The following BIN1 variants were observed in gnomAD, a reference collection of about 807,000 sequenced individuals.
BIN1 encodes myc box-dependent-interacting protein 1.
In BIN1, 53 loss-of-function variants were observed where a neutral mutation model predicts 82.0. The ratio of observed to expected loss-of-function variants is 0.65; its 90% CI spans 0.52 to 0.81. The LOEUF (loss-of-function observed/expected upper bound fraction) is 0.81. Ranked by LOEUF, BIN1 falls within the 40% of genes least tolerant of loss-of-function variation. The pLI is 0.00. For missense variants in BIN1, 642 were observed against 784.4 expected (o/e 0.82, Z 2.17); for synonymous variants, 302 against 328.0 (o/e 0.92, Z 0.86).
Position 127,093,042 on chromosome 2 carries a change from C to G in BIN1, c.84+13818G>C, listed in dbSNP as rs76168490. On this transcript the variant is annotated intron_variant, in intron 1 of 18. Coordinates refer to ENST00000316724, the MANE Select transcript of BIN1 (RefSeq NM_139343.3). The surrounding 1 kb of genome is among the most constrained non-coding windows in gnomAD (Gnocchi z 5.7). ...AAAGGAGTGGGGCACAGCCTGGGGG[C>G]CCCCCCACAGATGCCAGGTCAGCCC... is the stretch of plus-strand genomic sequence containing the variant. Among the ~76,000 whole-genome samples, 33,094 of 151,404 alleles carry G rather than the reference C, an allele frequency of 0.22. 3,875 individuals carry two copies. The highest frequency in any genetic ancestry group is 0.3 in the African/African-American group (12,291 of 41,274).
rs1455926606 is a variant in BIN1 at position 127,070,013 on chromosome 2, G to A, written c.393C>T (p.Gly131=). The A allele has an allele frequency of 1.7e-5, 28 of 1,613,978 alleles. No individual in the cohort carries two copies. The African/African-American group carries it at 1.9e-4, about 11-fold the overall frequency. ...CTCTCACCTTGATGTCGGGGAACTG[G>A]CCCAGGTACGTGTCCATGGTCAGCA... is the stretch of plus-strand genomic sequence containing the variant. ...QALLTMDTYL[G]QFPDIKSRIA... The change falls in exon 5 of 19, where the codon GGC becomes GGT. Residue 131 remains glycine (G), a synonymous_variant. Transcript: ENST00000316724.
intron 1 of BIN1, among the ~76,000 whole-genome samples, chr2:127,087,993 A>C (rs941057416): frequency 1.3e-5 from 2 of 151,968 alleles, no homozygotes; most frequent in South Asian, 4.2e-4. Context: ...CCAGCTGCCC[A>C]GGCCTCACCC....
chr2:127,063,666 T>C lies in BIN1; in HGVS notation c.699-20A>G. 6.2e-7 allele frequency: 1 copy of C among 1,611,618 alleles called. No individual in the cohort carries two copies. The highest frequency in any genetic ancestry group is 8.5e-7 in the Non-Finnish European group (1 of 1,178,834). ...ACGCGGCTACAGAAGGGCGGAAGGA[T>C]GGGGGCCAGGTGAACAGGCAGGTCA... On this transcript the variant is annotated intron_variant, in intron 8 of 18. Coordinates refer to ENST00000316724, the MANE Select transcript of BIN1 (RefSeq NM_139343.3).
chr2:127,087,174 AAC>A (rs1313205671), intron 1 of BIN1, among the ~76,000 whole-genome samples: 3 of 152,164 alleles, frequency 2.0e-5, no homozygotes, highest in Non-Finnish European at 4.4e-5. Context: ...CAAAAACGAA[AAC>A]ACAGAGAGCC....
Position 127,107,014 on chromosome 2 carries a change from C to A in BIN1, c.-71G>T. On this transcript the variant is annotated 5_prime_UTR_variant, in exon 1 of 19. Transcript: ENST00000316724. This position sits in a 1 kb window ranked among gnomAD's most constrained non-coding sequence, Gnocchi z 5.9. Reference sequence around the variant, plus strand: ...GAGATCTTGCGCGCCGCGCTCCCAGCCCCCAGCCCCGGCCGCGCGTCCAGA... The same window carrying A: ...GAGATCTTGCGCGCCGCGCTCCCAGACCCCAGCCCCGGCCGCGCGTCCAGA... The A allele has an allele frequency of 1.4e-6, 2 of 1,440,612 alleles. No individual in the cohort carries two copies. The highest frequency in any genetic ancestry group is 9.1e-7 in the Non-Finnish European group (1 of 1,094,708). 89.2% of individuals were successfully genotyped at this position (1,440,612 alleles called of 1,614,324 possible).
intron 5 of BIN1, 146 bp downstream of exon 5, chr2:127,069,849 C>A (rs1008235180): frequency 2.6e-6 from 2 of 756,962 alleles, no homozygotes; most frequent in Admixed American, 4.8e-5. Flanking sequence ...GCAGAGGGAG[C>A]AACCCCGGAG....
intron 14 of BIN1, chr2:127,053,208 T>C (rs529010041): frequency 3.1e-5 from 21 of 678,462 alleles, no homozygotes; most frequent in Non-Finnish European, 3.1e-5. Context: ...GAAGATCCCC[T>C]TTTCCAAGGG....
Position 127,077,761 on chromosome 2 carries a change from G to A in BIN1, c.85-1055C>T, listed in dbSNP as rs182683164. Among the ~76,000 whole-genome samples, 762 of 152,322 alleles carry A rather than the reference G, an allele frequency of 5.0e-3. 5 individuals are homozygous for A. Among genetic ancestry groups the A allele is most frequent in the African/African-American group, 0.018 (729 of 41,562 alleles). On this transcript the variant is annotated intron_variant, in intron 1 of 18. Coordinates refer to ENST00000316724, the MANE Select transcript of BIN1 (RefSeq NM_139343.3). Reference sequence around the variant, plus strand: ...GGGTTTGCAGGAGAGCAGAGGGGAAGACCAGGGTGGCGGCGGGACACACCC... The same window carrying A: ...GGGTTTGCAGGAGAGCAGAGGGGAAAACCAGGGTGGCGGCGGGACACACCC...
At chr2:127,087,242 C>G (rs1190309913) in intron 1 of BIN1, among the ~76,000 whole-genome samples, 1 of 152,172 alleles carries the variant, frequency 6.6e-6, no homozygotes, top group African/African-American at 2.4e-5. Flanking sequence ...GGCAGCCCAG[C>G]CCCGCCCCTG....
At chr2:127,079,631 C>T (rs1687046730) in intron 1 of BIN1, among the ~76,000 whole-genome samples, 1 of 152,258 alleles carries the variant, frequency 6.6e-6, no homozygotes, top group South Asian at 2.1e-4. Context: ...CCACTTAGAG[C>T]TTTCCTCACT....
chr2:127,070,409 AG>A lies in BIN1; in HGVS notation c.315+143del, dbSNP rs1292577198. 10 of 972,844 alleles carry A rather than the reference AG, an allele frequency of 1.0e-5. No homozygotes were observed. The African/African-American group carries it at 1.1e-4, about 11-fold the overall frequency. 60.3% of individuals were successfully genotyped at this position (972,844 alleles called of 1,614,324 possible). A position where few individuals can be genotyped will look rare whatever the true frequency, so the allele number is the denominator to read the frequency against. On this transcript the variant is annotated intron_variant, in intron 4 of 18. Coordinates refer to ENST00000316724, the MANE Select transcript of BIN1 (RefSeq NM_139343.3). The stretch of plus-strand genomic sequence containing the variant: ...CGTGTCAGGAGAAAGGCCCTCAGAG[AG>A]GGAGGGCAGCTTGCCCCAGGGCACA...
rs752824429 is a variant in BIN1 at position 127,068,293 on chromosome 2, A to C, written c.520-38T>G. 8 of 1,542,172 alleles carry C rather than the reference A, an allele frequency of 5.2e-6. No individual in the cohort carries two copies. The highest frequency in any genetic ancestry group is 6.2e-6 in the Non-Finnish European group (7 of 1,124,644). Reference sequence around the variant, plus strand: ...GGTCAAGGCAAAGGAAGGTGGAGAGACCAGGGAGGTGGGGAGAGAGAAACA... The same window carrying C: ...GGTCAAGGCAAAGGAAGGTGGAGAGCCCAGGGAGGTGGGGAGAGAGAAACA... On this transcript the variant is annotated intron_variant, in intron 6 of 18. Coordinates refer to ENST00000316724, the MANE Select transcript of BIN1 (RefSeq NM_139343.3). The surrounding 1 kb of genome is among the most constrained non-coding windows in gnomAD (Gnocchi z 4.9).
intron 1 of BIN1, among the ~76,000 whole-genome samples, chr2:127,102,611 G>T (rs563762536): frequency 2.0e-5 from 3 of 152,344 alleles, no homozygotes; most frequent in Non-Finnish European, 2.9e-5. Context: ...CCTGTGCCTG[G>T]CTTGGTCCCT....
chr2:127,062,073 C>A, intron 10 of BIN1, 42 bp downstream of exon 10: 2 of 1,563,100 alleles, frequency 1.3e-6, no homozygotes, highest in African/African-American at 1.3e-5. Flanking sequence ...CTGCCCCTGC[C>A]GTGCACACAG....
chr2:127,098,468 T>C (rs928836069), intron 1 of BIN1, among the ~76,000 whole-genome samples: 7 of 152,088 alleles, frequency 4.6e-5, no homozygotes, highest in African/African-American at 1.7e-4. Flanking sequence ...TATGGAGTCA[T>C]GAATGCCCAC....
rs755355125 is a variant in BIN1 at position 127,069,027 on chromosome 2, C to A, written c.416G>T (p.Arg139Leu). The change falls in exon 6 of 19, where the codon CGC (arginine) becomes CTC (leucine). Residue 139 changes from arginine (R) to leucine (L), a missense_variant. Transcript: ENST00000316724. ...CAGCTTGCGCCCCCGCTTGGCAATGCGTGACTGGGGCAGACAGAGGAGGGC... is the reference window on the plus strand; with the variant it reads ...CAGCTTGCGCCCCCGCTTGGCAATGAGTGACTGGGGCAGACAGAGGAGGGC... ...YLGQFPDIKS[R>L]IAKRGRKLVD... 1 of 1,613,938 alleles carries A rather than the reference C, an allele frequency of 6.2e-7. No homozygotes were observed. Among genetic ancestry groups the A allele is most frequent in the Non-Finnish European group, 8.5e-7 (1 of 1,179,926 alleles).
At position 127,053,440 on chromosome 2, in the gene BIN1, A is replaced by T. The variant is rs756676565; in HGVS notation, c.1245T>A (p.Ile415=). Residue 415 remains isoleucine (I), a synonymous_variant, in exon 14 of 19, where the codon ATT becomes ATA. Coordinates refer to ENST00000316724, the MANE Select transcript of BIN1 (RefSeq NM_139343.3). ...AGCTTACCTCCCAGAGGTCCCATGG[A>T]ATTGACTGAGCGCAGCAGTGAGGGC... The part of the protein sequence containing the change: ...VKAPTPSGQS[I]PWDLWEPTES... 1.2e-6 allele frequency: 2 copies of T among 1,613,948 alleles called. No individual in the cohort carries two copies. Among genetic ancestry groups the T allele is most frequent in the Non-Finnish European group, 1.7e-6 (2 of 1,179,910 alleles).
At chr2:127,101,248 G>A (rs1036853042) in intron 1 of BIN1, among the ~76,000 whole-genome samples, 10 of 152,150 alleles carry the variant, frequency 6.6e-5, no homozygotes, top group Non-Finnish European at 1.5e-4. Context: ...AAGGAGGCTT[G>A]CCAAACAGGC....
chr2:127,051,390 G>A (rs750373983), intron 15 of BIN1, 147 bp from the exon 16 acceptor site: 227 of 813,910 alleles, frequency 2.8e-4, no homozygotes, highest in Non-Finnish European at 3.2e-4. Flanking sequence ...CCAGTGCCTC[G>A]AAGAATCCAG....
Sources: gnomAD v4.1 joint callset for allele counts (sites outside exome capture counted in the v4.1 genomes callset) on GRCh38, gnomAD v4.1.1 for gene constraint, Gnocchi (gnomAD v3.1) non-coding constraint, MANE v1.5 for transcripts, NCBI Gene and HGNC (gene_info 2026-07-23, HGNC 2026-07-21) for gene names.